Variants in UST observed in about 807,000 individuals in gnomAD.
The protein encoded by UST is uronyl 2-sulfotransferase.
In UST, 21 loss-of-function variants were observed where a neutral mutation model predicts 45.6. The observed-to-expected ratio is 0.46, with a 90% CI of 0.33 to 0.66. UST has a LOEUF of 0.66. UST is among the 30% of genes least tolerant of loss of function. The pLI is 0.02. For synonymous variants in UST, 215 were observed against 200.6 expected, an observed-to-expected ratio of 1.07 and a Z score of -0.61; for missense variants, 463 against 512.4, an observed-to-expected ratio of 0.90 and a Z score of 0.93.
chr6:148,860,055 G>A (rs1205931200), intron 1 of UST, among the ~76,000 whole-genome samples: 1 of 152,152 alleles, frequency 6.6e-6, no homozygotes, highest in Non-Finnish European at 1.5e-5. Flanking sequence ...GCTTAATGGG[G>A]ATGGCATTGA....
intron 4 of UST, among the ~76,000 whole-genome samples, chr6:148,959,358 C>A (rs1009849738): frequency 6.6e-6 from 1 of 152,232 alleles, no homozygotes; most frequent in East Asian, 1.9e-4. Flanking sequence ...AATCTCTTAT[C>A]TTTTGACAGA....
intron 5 of UST, among the ~76,000 whole-genome samples, chr6:149,002,054 C>T (rs751056700): frequency 6.6e-5 from 10 of 152,082 alleles, no homozygotes; most frequent in Non-Finnish European, 1.3e-4. Context: ...CTTTGCCCTT[C>T]CTCAGACTCT....
At chr6:148,949,585 A>T (rs1182945059) in intron 3 of UST, among the ~76,000 whole-genome samples, 1 of 152,118 alleles carries the variant, frequency 6.6e-6, no homozygotes, top group Non-Finnish European at 1.5e-5. Context: ...ACACCAGGAT[A>T]ATGAACATAT....
At chr6:148,989,656 T>C (rs185145510) in intron 5 of UST, among the ~76,000 whole-genome samples, 9 of 152,300 alleles carry the variant, frequency 5.9e-5, no homozygotes, top group African/African-American at 2.2e-4. Flanking sequence ...AGAGACCTTG[T>C]TAAATTAAGG....
At chr6:148,990,658 A>G (rs755720329) in intron 5 of UST, among the ~76,000 whole-genome samples, 1 of 152,154 alleles carries the variant, frequency 6.6e-6, no homozygotes, top group Admixed American at 6.5e-5. Flanking sequence ...GATCCTGACA[A>G]TCCCCAGACG....
intron 1 of UST, among the ~76,000 whole-genome samples, chr6:148,812,087 A>T (rs1293271476): frequency 6.6e-6 from 1 of 152,086 alleles, no homozygotes; most frequent in East Asian, 1.9e-4. Flanking sequence ...ATAGTTCTGT[A>T]TATTTAAAAG....
At chr6:148,812,831 G>A (rs78257039) in intron 1 of UST, among the ~76,000 whole-genome samples, 1,765 of 152,320 alleles carry the variant, frequency 0.012, 33 homozygotes, top group African/African-American at 0.04. Context: ...GGAGAGGACT[G>A]TTCATGGGTG....
intron 1 of UST, among the ~76,000 whole-genome samples, chr6:148,779,362 A>C (rs1776594806): frequency 6.6e-6 from 1 of 152,180 alleles, no homozygotes; most frequent in African/African-American, 2.4e-5. Context: ...TTTTCAAGGG[A>C]ATCTCTTTGA....
chr6:148,898,611 G>T (rs1779181712), intron 2 of UST, among the ~76,000 whole-genome samples: 1 of 152,164 alleles, frequency 6.6e-6, no homozygotes, highest in Non-Finnish European at 1.5e-5. Context: ...CATGTAATGT[G>T]TCTACTCTTG....
At chr6:149,029,468 T>TA (rs1190682007) in intron 7 of UST, among the ~76,000 whole-genome samples, 28 of 143,866 alleles carry the variant, frequency 1.9e-4, no homozygotes, top group Non-Finnish European at 2.8e-4. Context: ...TTATATATTA[T>TA]ATATATAATG....
chr6:149,004,016 T>C (rs1019633654), intron 5 of UST, among the ~76,000 whole-genome samples: 1 of 152,366 alleles, frequency 6.6e-6, no homozygotes, highest in South Asian at 2.1e-4. Flanking sequence ...AATTTCTTTC[T>C]AGCAAATGAT....
intron 1 of UST, among the ~76,000 whole-genome samples, chr6:148,882,845 A>G (rs1778848666): frequency 6.6e-6 from 1 of 152,224 alleles, no homozygotes; most frequent in Non-Finnish European, 1.5e-5. Context: ...TTGTTATACA[A>G]TCCAGTGGCA....
At chr6:148,917,305 A>C (rs1779609120) in intron 2 of UST, among the ~76,000 whole-genome samples, 1 of 152,224 alleles carries the variant, frequency 6.6e-6, no homozygotes, top group Non-Finnish European at 1.5e-5. Flanking sequence ...CATTTAGCCC[A>C]TTACCTAGTA....
intron 5 of UST, among the ~76,000 whole-genome samples, chr6:149,008,138 G>A (rs556366290): frequency 6.6e-6 from 1 of 152,236 alleles, no homozygotes; most frequent in South Asian, 2.1e-4. Flanking sequence ...ATAACCTTGA[G>A]GGAGAAAAAC....
chr6:148,912,089 C>T (rs753819627), intron 2 of UST, among the ~76,000 whole-genome samples: 7 of 152,276 alleles, frequency 4.6e-5, no homozygotes, highest in African/African-American at 7.2e-5. Flanking sequence ...CCCAGCTACT[C>T]GGGAGGCCGA....
intron 1 of UST, among the ~76,000 whole-genome samples, chr6:148,866,339 G>C (rs1778430837): frequency 6.6e-6 from 1 of 152,048 alleles, no homozygotes; most frequent in African/African-American, 2.4e-5. Flanking sequence ...ACCAGTAGTC[G>C]GGGGTAGATC....
intron 1 of UST, among the ~76,000 whole-genome samples, chr6:148,854,981 C>T (rs1778175244): frequency 6.6e-6 from 1 of 152,012 alleles, no homozygotes; most frequent in African/African-American, 2.4e-5. Context: ...GCTGGGGAGG[C>T]CTCACAATTA....
intron 1 of UST, among the ~76,000 whole-genome samples, chr6:148,801,826 T>A (rs1326460062): frequency 6.6e-6 from 1 of 152,182 alleles, no homozygotes; most frequent in Admixed American, 6.5e-5. Context: ...TTTCTAGGTA[T>A]TTTTTCTTGG....
chr6:148,903,716 AGGT>A (rs1779304368), intron 2 of UST, among the ~76,000 whole-genome samples: 1 of 152,182 alleles, frequency 6.6e-6, no homozygotes, highest in Non-Finnish European at 1.5e-5. Flanking sequence ...CTGAGTTTGC[AGGT>A]GACTCTAATA....
Sources: allele counts gnomAD v4.1 joint callset (sites outside exome capture counted in the v4.1 genomes callset), GRCh38; gene constraint gnomAD v4.1.1; transcripts MANE v1.5; gene names NCBI Gene and HGNC (gene_info 2026-07-23, HGNC 2026-07-21).